Variants in PDE4D observed in about 807,000 individuals in gnomAD.
PDE4D encodes 3',5'-cyclic-AMP phosphodiesterase 4D.
PDE4D carries 24 observed loss-of-function variants against 87.4 expected under a neutral mutation model. The ratio of observed to expected loss-of-function variants is 0.27; its 90% CI spans 0.20 to 0.39. The LOEUF is 0.39. PDE4D is among the 10% of genes least tolerant of loss of function. PDE4D has a pLI of 1.00. For missense variants in PDE4D, 714 were observed against 1,041.0 expected, an observed-to-expected ratio of 0.69 and a Z score of 4.32; for synonymous variants, 384 against 383.2, an observed-to-expected ratio of 1.00 and a Z score of -0.02.
intron 1 of PDE4D, among the ~76,000 whole-genome samples, chr5:59,583,449 T>C (rs1257275395): frequency 2.6e-5 from 4 of 152,226 alleles, no homozygotes; most frequent in Non-Finnish European, 4.4e-5. Flanking sequence ...ATAGTACTTA[T>C]CTATCCAGTG....
intron 5 of PDE4D, chr5:59,063,203 T>C (rs1390602973): frequency 1.3e-5 from 2 of 152,180 alleles, no homozygotes; most frequent in African/African-American, 4.8e-5. Context: ...GCGACTACTC[T>C]AGACTGGTGA....
intron 1 of PDE4D, among the ~76,000 whole-genome samples, chr5:60,224,789 G>C (rs924098037): frequency 1.3e-5 from 2 of 152,098 alleles, no homozygotes; most frequent in African/African-American, 4.8e-5. Flanking sequence ...CATTCAAGGG[G>C]AGAGGAATTA....
chr5:59,924,286 GGA>G (rs1755004765), intron 3 of PDE4D, among the ~76,000 whole-genome samples: 2 of 152,208 alleles, frequency 1.3e-5, no homozygotes, highest in East Asian at 3.9e-4. Flanking sequence ...AAGAGAAGGT[GGA>G]GAGAGACATA....
intron 1 of PDE4D, among the ~76,000 whole-genome samples, chr5:59,492,476 A>C (rs895271768): frequency 3.3e-5 from 5 of 152,210 alleles, no homozygotes; most frequent in African/African-American, 1.2e-4. Context: ...ACATAGGAAC[A>C]TTGCTCATTT....
At chr5:59,157,271 C>T in intron 5 of PDE4D, 1 of 701,900 alleles carries the variant, frequency 1.4e-6, no homozygotes, top group Non-Finnish European at 2.6e-6. Flanking sequence ...GACTAAACAG[C>T]TGTAGTTTTC....
intron 1 of PDE4D, among the ~76,000 whole-genome samples, chr5:59,443,144 C>G (rs145212540): frequency 6.6e-6 from 1 of 152,208 alleles, no homozygotes; most frequent in African/African-American, 2.4e-5. Context: ...CTGTGTGGCT[C>G]AAACATAAAA....
At chr5:59,441,170 T>C (rs1797560023) in intron 1 of PDE4D, among the ~76,000 whole-genome samples, 1 of 151,702 alleles carries the variant, frequency 6.6e-6, no homozygotes, top group Non-Finnish European at 1.5e-5. Flanking sequence ...TCTCGGCTCA[T>C]TGCAGCCTCC....
chr5:59,012,108 A>G (rs999552717), intron 6 of PDE4D, among the ~76,000 whole-genome samples: 22 of 152,174 alleles, frequency 1.4e-4, no homozygotes, highest in Non-Finnish European at 1.5e-5. Context: ...AAATGCTGAG[A>G]TTTTGTCACC....
chr5:59,336,245 C>A (rs1446052958), intron 1 of PDE4D, among the ~76,000 whole-genome samples: 9 of 152,078 alleles, frequency 5.9e-5, no homozygotes, highest in Non-Finnish European at 1.2e-4. Context: ...CAGCTCCAAG[C>A]CATTAGGGAA....
At chr5:59,076,646 A>C (rs1403033465) in intron 5 of PDE4D, among the ~76,000 whole-genome samples, 1 of 152,186 alleles carries the variant, frequency 6.6e-6, no homozygotes, top group Non-Finnish European at 1.5e-5. Context: ...GTTATTGAGC[A>C]GATGGGATTA....
intron 1 of PDE4D, among the ~76,000 whole-genome samples, chr5:59,645,413 A>T (rs298025): frequency 0.73 from 111,746 of 152,194 alleles, 41,621 homozygotes; most frequent in South Asian, 0.91. Flanking sequence ...GATTTTGCCT[A>T]TATCACACTT....
chr5:59,516,616 CTTG>C (rs1190382764), intron 1 of PDE4D, among the ~76,000 whole-genome samples: 6 of 152,098 alleles, frequency 3.9e-5, no homozygotes, highest in Middle Eastern at 3.4e-3. Flanking sequence ...ATTTCCAACA[CTTG>C]TTGTGATCAA....
intron 2 of PDE4D, among the ~76,000 whole-genome samples, chr5:60,047,208 G>T (rs1481503598): frequency 1.3e-5 from 2 of 152,264 alleles, no homozygotes; most frequent in African/African-American, 4.8e-5. Flanking sequence ...CGGATTGGTG[G>T]TGATATCCCC....
At chr5:59,926,928 C>A (rs1243320352) in intron 3 of PDE4D, among the ~76,000 whole-genome samples, 1 of 152,140 alleles carries the variant, frequency 6.6e-6, no homozygotes, top group Non-Finnish European at 1.5e-5. Context: ...CTCACTGCTG[C>A]ATTTTACCAA....
In PDE4D at chr5:59,682,173, C is replaced by T. The variant is rs140632386; in HGVS notation, c.455+210995G>A. Among the ~76,000 whole-genome samples the T allele has an allele frequency of 1.1e-3, 175 of 152,238 alleles. 3 individuals carry two copies. In the East Asian group the frequency reaches 0.029, roughly 25 times the overall value. On this transcript the variant is annotated intron_variant, in intron 1 of 14. Transcript: ENST00000340635. ...AACTGATTTAGACAGGAATCACCAA[C>T]GGATTCCAAAGCTATTGGGTAAGAA...
At chr5:59,690,852 ATAACT>A (rs1343169064) in intron 1 of PDE4D, among the ~76,000 whole-genome samples, 2 of 152,140 alleles carry the variant, frequency 1.3e-5, no homozygotes, top group Non-Finnish European at 2.9e-5. Flanking sequence ...GAATCTACAA[ATAACT>A]TAAACAAATT....
chr5:60,253,262 G>A (rs1583218390), intron 1 of PDE4D, among the ~76,000 whole-genome samples: 1 of 151,818 alleles, frequency 6.6e-6, no homozygotes, highest in Admixed American at 6.6e-5. Context: ...GAGTAAATGC[G>A]TTTTTATTTT....
At chr5:59,126,884 T>G (rs976968252) in intron 5 of PDE4D, among the ~76,000 whole-genome samples, 9 of 152,242 alleles carry the variant, frequency 5.9e-5, no homozygotes, top group Non-Finnish European at 1.3e-4. Flanking sequence ...TATGTTGTTT[T>G]CATATTCCTG....
At chr5:59,945,831 A>C (rs1347058530) in intron 3 of PDE4D, among the ~76,000 whole-genome samples, 2 of 152,192 alleles carry the variant, frequency 1.3e-5, no homozygotes, top group African/African-American at 4.8e-5. Flanking sequence ...CTTTCTTAAA[A>C]ATAGCTGACC....
Sources: gnomAD v4.1 joint callset for allele counts (sites outside exome capture counted in the v4.1 genomes callset) on GRCh38, gnomAD v4.1.1 for gene constraint, MANE v1.5 for transcripts, NCBI Gene and HGNC (gene_info 2026-07-23, HGNC 2026-07-21) for gene names.